Variants in CEP112 observed in about 807,000 individuals in gnomAD.
CEP112 encodes centrosomal protein 112.
In CEP112, 127 loss-of-function variants were observed where a neutral mutation model predicts 153.0. That is an observed-to-expected ratio of 0.83 (90% CI 0.72 to 0.96). The LOEUF (loss-of-function observed/expected upper bound fraction) is 0.96, where lower values mean the gene tolerates loss of function less well. Ranked by LOEUF, CEP112 falls within the 40% of genes least tolerant of loss-of-function variation. The pLI is 0.00. For missense variants in CEP112, 1,089 were observed against 1,101.2 expected (o/e 0.99, Z 0.16); for synonymous variants, 358 against 374.4 (o/e 0.96, Z 0.51).
chr17:65,961,552 G>A lies in CEP112; in HGVS notation c.1783C>T (p.Gln595Ter). The A allele has an allele frequency of 2.5e-6, 4 of 1,613,344 alleles. No individual in the cohort carries two copies. Among genetic ancestry groups the A allele is most frequent in the Non-Finnish European group, 3.4e-6 (4 of 1,179,436 alleles). Residue 595 changes from glutamine to a stop codon, truncating the protein, a stop_gained, in exon 18 of 27, where the codon CAG becomes TAG. Coordinates refer to ENST00000535342, the MANE Select transcript of CEP112 (RefSeq NM_001199165.4). LOFTEE classifies it high-confidence loss of function. ...AGAGCGGCATCTGCCTGCTGGGCCT[G>A]CAACCTCTGAACTTCAGTCACACGA... The part of the protein sequence containing the change: ...LTRVTEVQRL[Q>*]AQQADAALEE...
At chr17:65,884,538 G>A (rs1438665726) in intron 20 of CEP112, among the ~76,000 whole-genome samples, 1 of 151,982 alleles carries the variant, frequency 6.6e-6, no homozygotes, top group East Asian at 1.9e-4. Context: ...CTTATTTCAG[G>A]TTTTCTTCTA....
intron 24 of CEP112, among the ~76,000 whole-genome samples, chr17:65,674,815 C>A (rs1459470191): frequency 6.6e-6 from 1 of 152,062 alleles, no homozygotes; most frequent in Admixed American, 6.6e-5. Context: ...GGCACTCAAT[C>A]AAAAATAGGC....
At chr17:65,815,252 T>A (rs1266400662) in intron 21 of CEP112, among the ~76,000 whole-genome samples, 1 of 152,144 alleles carries the variant, frequency 6.6e-6, no homozygotes, top group Non-Finnish European at 1.5e-5. Context: ...GAATACCCAA[T>A]TGTTCAGAAC....
chr17:66,184,274 A>G (rs966454336), intron 1 of CEP112, among the ~76,000 whole-genome samples: 2 of 152,200 alleles, frequency 1.3e-5, no homozygotes, highest in African/African-American at 4.8e-5. Context: ...TAAAAAAGAA[A>G]GCTGACATAT....
At chr17:66,080,243 T>C (rs938711385) in intron 8 of CEP112, among the ~76,000 whole-genome samples, 14 of 151,864 alleles carry the variant, frequency 9.2e-5, no homozygotes, top group African/African-American at 2.9e-4. Context: ...GGGCAGAAAA[T>C]TTTTGCAATC....
intron 21 of CEP112, among the ~76,000 whole-genome samples, chr17:65,767,525 T>C (rs913291262): frequency 3.2e-5 from 4 of 126,540 alleles, no homozygotes; most frequent in African/African-American, 1.4e-4. Flanking sequence ...AGGAAATTAA[T>C]AAATATCAGA....
chr17:65,644,314 C>T, intron 24 of CEP112: 4 of 574,142 alleles, frequency 7.0e-6, no homozygotes, highest in Non-Finnish European at 1.2e-5. Context: ...GGCCATGTTC[C>T]ATTTGAGTGC....
intron 23 of CEP112, among the ~76,000 whole-genome samples, chr17:65,689,621 C>A (rs536502528): frequency 6.6e-6 from 1 of 152,204 alleles, no homozygotes; most frequent in South Asian, 2.1e-4. Flanking sequence ...AATATCTGAC[C>A]AGCATAACAT....
intron 21 of CEP112, among the ~76,000 whole-genome samples, chr17:65,814,777 GGTTTA>G (rs776287455): frequency 2.0e-4 from 30 of 152,042 alleles, no homozygotes; most frequent in Non-Finnish European, 3.7e-4. Flanking sequence ...CAGTTTTCAT[GGTTTA>G]GTTTAAACAA....
intron 18 of CEP112, among the ~76,000 whole-genome samples, chr17:65,943,830 G>C (rs73349077): frequency 0.065 from 9,853 of 152,118 alleles, 470 homozygotes; most frequent in African/African-American, 0.12. Context: ...CATTCTCCCT[G>C]TCTTTTTCAG....
At chr17:65,982,239 A>C (rs2063254039) in intron 17 of CEP112, among the ~76,000 whole-genome samples, 1 of 152,168 alleles carries the variant, frequency 6.6e-6, no homozygotes, top group African/African-American at 2.4e-5. Context: ...TTTTTATGAT[A>C]ATAACTATAC....
At chr17:66,177,051 TA>T in intron 2 of CEP112, 31 bp from the exon 3 acceptor site, 2 of 1,543,390 alleles carry the variant, frequency 1.3e-6, no homozygotes, top group Non-Finnish European at 1.7e-6. Context: ...TTAGAAATTT[TA>T]TTTTTTATAA....
At chr17:65,863,525 T>TG (rs1568133028) in intron 20 of CEP112, among the ~76,000 whole-genome samples, 1 of 151,748 alleles carries the variant, frequency 6.6e-6, no homozygotes, top group Non-Finnish European at 1.5e-5. Context: ...CCCAGCACTT[T>TG]GGGAGGCCAA....
chr17:65,932,626 C>G (rs990956398), intron 18 of CEP112, among the ~76,000 whole-genome samples: 1 of 152,190 alleles, frequency 6.6e-6, no homozygotes, highest in Non-Finnish European at 1.5e-5. Context: ...CCTCAGGAAA[C>G]TTACAATCAT....
At chr17:65,712,424 C>T (rs988083672) in intron 23 of CEP112, among the ~76,000 whole-genome samples, 4 of 151,392 alleles carry the variant, frequency 2.6e-5, no homozygotes, top group Admixed American at 6.6e-5. Flanking sequence ...TCAGGTGGAA[C>T]GCTGCCTGGA....
At chr17:65,830,826 A>G (rs1322943410) in intron 21 of CEP112, among the ~76,000 whole-genome samples, 1 of 152,226 alleles carries the variant, frequency 6.6e-6, no homozygotes, top group Non-Finnish European at 1.5e-5. Flanking sequence ...GGTAATGTTT[A>G]ACTTCCAATT....
intron 23 of CEP112, among the ~76,000 whole-genome samples, chr17:65,733,211 G>A (rs1028992028): frequency 1.3e-5 from 2 of 152,126 alleles, no homozygotes; most frequent in African/African-American, 4.8e-5. Flanking sequence ...TGGGGGAATG[G>A]CCAGGAAGTG....
rs370597855 is a variant in CEP112 at position 65,692,102 on chromosome 17, C to G, written c.2608-2884G>C. On this transcript the variant is annotated intron_variant, in intron 23 of 26. Coordinates refer to ENST00000535342, the MANE Select transcript of CEP112 (RefSeq NM_001199165.4). ...CACGGAGTGGATTTTATTTTTAACC[C>G]TTACGACAATTTTGTGCACCCAGTA... Among the ~76,000 whole-genome samples the G allele has an allele frequency of 1.1e-4, 17 of 152,246 alleles. No individual in the cohort carries two copies. In the East Asian group the frequency reaches 3.3e-3, roughly 29 times the overall value.
chr17:65,810,136 T>C (rs2055857447), intron 21 of CEP112, among the ~76,000 whole-genome samples: 1 of 152,142 alleles, frequency 6.6e-6, no homozygotes, highest in Admixed American at 6.5e-5. Flanking sequence ...AAGAAGAGAA[T>C]ATAAGGCAGT....
Sources: allele counts gnomAD v4.1 joint callset (sites outside exome capture counted in the v4.1 genomes callset), GRCh38; gene constraint gnomAD v4.1.1; transcripts MANE v1.5; gene names NCBI Gene and HGNC (gene_info 2026-07-23, HGNC 2026-07-21).